Variants in HS6ST3 observed in about 807,000 individuals in gnomAD.
HS6ST3 encodes the protein heparan-sulfate 6-O-sulfotransferase 3.
Under a neutral mutation model 36.7 loss-of-function variants are expected in HS6ST3, and 12 were observed. The ratio of observed to expected loss-of-function variants is 0.33; its 90% CI spans 0.21 to 0.53. HS6ST3 has a LOEUF of 0.53. Among genes scored for constraint, HS6ST3 ranks in the 20% least tolerant of loss-of-function variants. HS6ST3 has a pLI of 0.95. For missense variants in HS6ST3, 584 were observed against 640.9 expected (o/e 0.91, Z 0.96); for synonymous variants, 240 against 257.5 (o/e 0.93, Z 0.65).
intron 1 of HS6ST3, among the ~76,000 whole-genome samples, chr13:96,254,433 AAAAAAAAAAAAAAAAATATATATATATAT>A (rs2054623134): frequency 1.7e-5 from 1 of 58,422 alleles, no homozygotes; most frequent in Non-Finnish European, 3.1e-5. Context: ...AAAAAAAAAA[AAAAAAAAAAAAAAAAATATATATATATAT>A]ATATATATAT....
intron 1 of HS6ST3, among the ~76,000 whole-genome samples, chr13:96,502,359 CTT>C (rs11410300): frequency 2.2e-5 from 3 of 139,078 alleles, no homozygotes; most frequent in Non-Finnish European, 3.1e-5. Context: ...TCTTCACGGG[CTT>C]TTTTTTTTTT....
At chr13:96,346,858 C>T (rs1279374752) in intron 1 of HS6ST3, among the ~76,000 whole-genome samples, 1 of 152,064 alleles carries the variant, frequency 6.6e-6, no homozygotes, top group Non-Finnish European at 1.5e-5. Context: ...GAGGATGTCA[C>T]TTCCATGATT....
chr13:96,478,327 G>A (rs538988641), intron 1 of HS6ST3, among the ~76,000 whole-genome samples: 6 of 152,286 alleles, frequency 3.9e-5, no homozygotes, highest in South Asian at 2.1e-4. Flanking sequence ...TTTTAAGGAC[G>A]ATAAGAGAAG....
At chr13:96,722,717 C>A (rs1196582535) in intron 1 of HS6ST3, among the ~76,000 whole-genome samples, 2 of 152,106 alleles carry the variant, frequency 1.3e-5, no homozygotes, top group South Asian at 2.1e-4. Flanking sequence ...TGGGTCACAC[C>A]TGTAATCCCA....
intron 1 of HS6ST3, among the ~76,000 whole-genome samples, chr13:96,141,431 G>A (rs1266071156): frequency 1.3e-5 from 2 of 151,842 alleles, no homozygotes; most frequent in Non-Finnish European, 1.5e-5. Flanking sequence ...ATGGCTCACT[G>A]CATCCTCAAA....
chr13:96,658,585 A>AGGCCG (rs2056635402), intron 1 of HS6ST3, among the ~76,000 whole-genome samples: 1 of 11,354 alleles, frequency 8.8e-5, no homozygotes, highest in Admixed American at 1.5e-3. Flanking sequence ...GCCTGGCCGT[A>AGGCCG]TCTTTCTTCT....
chr13:96,091,558 C>G lies in HS6ST3; in HGVS notation c.696C>G (p.His232Gln). Residue 232 changes from histidine to glutamine, a missense_variant, in exon 1 of 2, where the codon CAC becomes CAG. Physicochemically the swap from His to Gln is conservative, Grantham distance 24 (BLOSUM62 0). Transcript: ENST00000376705. ...AGAAGAAGGACTGTCCCCGCAACCA[C>G]AGCCACACCAGGTACTGTCGCCCGC... Reference protein sequence around the residue: ...IMEKKDCPRNHSHTRNFYYIT... With the variant: ...IMEKKDCPRNQSHTRNFYYIT... 6.3e-7 allele frequency: 1 copy of G among 1,577,132 alleles called. No homozygotes were observed. The highest frequency in any genetic ancestry group is 8.6e-7 in the Non-Finnish European group (1 of 1,168,014).
intron 1 of HS6ST3, among the ~76,000 whole-genome samples, chr13:96,175,317 T>C (rs1439613583): frequency 2.0e-5 from 3 of 152,134 alleles, no homozygotes; most frequent in Non-Finnish European, 2.9e-5. Context: ...CTGATGTTGT[T>C]CGTGAGCAGT....
At chr13:96,304,151 A>AAG (rs1217917806) in intron 1 of HS6ST3, among the ~76,000 whole-genome samples, 1 of 151,840 alleles carries the variant, frequency 6.6e-6, no homozygotes, top group Non-Finnish European at 1.5e-5. Context: ...TCAAAAAAAA[A>AAG]AAAAATGTGA....
intron 1 of HS6ST3, among the ~76,000 whole-genome samples, chr13:96,455,352 T>C (rs2055749833): frequency 6.6e-6 from 1 of 152,142 alleles, no homozygotes; most frequent in African/African-American, 2.4e-5. Context: ...CCTGAATAGC[T>C]GGGATTACAG....
rs1566456808 is a variant in HS6ST3, at chr13:96,799,974, ATATATATG to A, written c.708-32508_708-32501del. On this transcript the variant is annotated intron_variant, in intron 1 of 1. Transcript: ENST00000376705. ...TATATATATATATATGTGTATATAT[ATATATATG>A]TATATATATATATATGTATATATAT... Among the ~76,000 whole-genome samples the A allele has an allele frequency of 1.9e-4, 17 of 88,718 alleles. 2 individuals are homozygous for A. The highest frequency in any genetic ancestry group is 1.0e-3 in the African/African-American group (16 of 15,320). The allele number at this position is 88,718 out of a possible 152,430, so 58.2% of individuals were successfully genotyped here.
At chr13:96,171,009 C>T (rs1255438451) in intron 1 of HS6ST3, among the ~76,000 whole-genome samples, 1 of 152,198 alleles carries the variant, frequency 6.6e-6, no homozygotes, top group Non-Finnish European at 1.5e-5. Context: ...GATTTAATCT[C>T]AGGTCATGCT....
chr13:96,702,844 G>C (rs1451978711), intron 1 of HS6ST3, among the ~76,000 whole-genome samples: 2 of 152,200 alleles, frequency 1.3e-5, no homozygotes, highest in Non-Finnish European at 2.9e-5. Flanking sequence ...GAGATGAAGA[G>C]GGTAGGTGAC....
At chr13:96,317,355 TATATATATATATAAAATTATATA>T (rs1566322093) in intron 1 of HS6ST3, among the ~76,000 whole-genome samples, 4,972 of 71,102 alleles carry the variant, frequency 0.07, 212 homozygotes, top group Non-Finnish European at 0.095. Context: ...TATATATATA[TATATATATATATAAAATTATATA>T]TATATATATA....
chr13:96,422,260 C>T (rs566574566), intron 1 of HS6ST3, among the ~76,000 whole-genome samples: 3 of 152,174 alleles, frequency 2.0e-5, no homozygotes, highest in South Asian at 2.1e-4. Context: ...TTCTGCAACA[C>T]GTGTAGTTTG....
At chr13:96,470,445 T>C (rs1198671100) in intron 1 of HS6ST3, among the ~76,000 whole-genome samples, 1 of 152,184 alleles carries the variant, frequency 6.6e-6, no homozygotes, top group Non-Finnish European at 1.5e-5. Context: ...CCCAATTTCA[T>C]TGTACTGTCC....
chr13:96,157,241 T>C (rs2054114758), intron 1 of HS6ST3, among the ~76,000 whole-genome samples: 1 of 152,216 alleles, frequency 6.6e-6, no homozygotes, highest in Non-Finnish European at 1.5e-5. Flanking sequence ...GTTTTCAGTT[T>C]TATTGCCATC....
chr13:96,335,291 G>C (rs1335240597), intron 1 of HS6ST3, among the ~76,000 whole-genome samples: 1 of 152,158 alleles, frequency 6.6e-6, no homozygotes, highest in African/African-American at 2.4e-5. Context: ...AAAGTTTCTA[G>C]AGTCACCCAG....
At chr13:96,137,249 C>G (rs986056782) in intron 1 of HS6ST3, among the ~76,000 whole-genome samples, 1 of 143,254 alleles carries the variant, frequency 7.0e-6, no homozygotes, top group Admixed American at 7.6e-5. Flanking sequence ...TGCGTGGAAT[C>G]ATACCACATG....
Sources: allele counts gnomAD v4.1 joint callset (sites outside exome capture counted in the v4.1 genomes callset), GRCh38; gene constraint gnomAD v4.1.1; transcripts MANE v1.5; gene names NCBI Gene and HGNC (gene_info 2026-07-23, HGNC 2026-07-21).